Variants in GRIA3 observed in about 807,000 individuals in gnomAD.
GRIA3 encodes the protein glutamate ionotropic receptor AMPA type subunit 3, also known as glutamate receptor 3.
In GRIA3, 3 loss-of-function variants were observed where a neutral mutation model predicts 63.0. That is an observed-to-expected ratio of 0.05 (90% confidence interval 0.02 to 0.12). The LOEUF is 0.12. Among genes scored for constraint, GRIA3 ranks in the 10% least tolerant of loss-of-function variants. The pLI is 1.00. For missense variants in GRIA3, 347 were observed against 700.9 expected (o/e 0.50, Z 5.70); for synonymous variants, 274 against 257.9 (o/e 1.06, Z -0.60).
At chrX:123,190,026 A>G (rs764830039) in intron 2 of GRIA3, among the ~76,000 whole-genome samples, 4 of 111,562 alleles carry the variant, frequency 3.6e-5, no homozygotes, top group African/African-American at 6.5e-5. Context: ...CAATTTAACT[A>G]TTTATGTCCA....
chrX:123,273,946 C>T (rs190846143), intron 3 of GRIA3, among the ~76,000 whole-genome samples: 1 of 111,906 alleles, frequency 8.9e-6, no homozygotes, highest in Non-Finnish European at 1.9e-5. Context: ...ACAGAAGCTT[C>T]TAAAACTTTA....
chrX:123,227,212 G>T (rs768138932), intron 2 of GRIA3, among the ~76,000 whole-genome samples: 59 of 110,763 alleles, frequency 5.3e-4, no homozygotes, highest in Non-Finnish European at 1.1e-3. Context: ...TTCCTTAACT[G>T]GATCATGAGT....
chrX:123,221,390 G>T (rs751188065), intron 2 of GRIA3, among the ~76,000 whole-genome samples: 3 of 112,377 alleles, frequency 2.7e-5, no homozygotes, highest in South Asian at 7.5e-4. Context: ...CTTATATTGG[G>T]CTTAAGGTAG....
At chrX:123,240,916 T>G in intron 2 of GRIA3, among the ~76,000 whole-genome samples, 1 of 112,161 alleles carries the variant, frequency 8.9e-6, no homozygotes, top group East Asian at 2.8e-4. Context: ...AGTTATTTTT[T>G]ACCCAAGATT....
intron 11 of GRIA3, among the ~76,000 whole-genome samples, chrX:123,420,244 A>C (rs2147395506): frequency 8.9e-6 from 1 of 112,091 alleles, no homozygotes; most frequent in Admixed American, 9.4e-5. Flanking sequence ...GAGATTATCC[A>C]CTTGGACCAT....
intron 12 of GRIA3, among the ~76,000 whole-genome samples, chrX:123,434,123 G>T (rs192130315): frequency 4.5e-5 from 5 of 111,431 alleles, no homozygotes; most frequent in African/African-American, 1.6e-4. Context: ...TTCCACAAGC[G>T]CACCTATGCA....
At chrX:123,311,990 T>G in intron 3 of GRIA3, among the ~76,000 whole-genome samples, 1 of 112,116 alleles carries the variant, frequency 8.9e-6, no homozygotes, top group East Asian at 2.8e-4. Flanking sequence ...GAGCCTCAAT[T>G]TCCTCACCTG....
intron 5 of GRIA3, among the ~76,000 whole-genome samples, chrX:123,377,236 T>C (rs2045292424): frequency 8.9e-6 from 1 of 111,816 alleles, no homozygotes; most frequent in African/African-American, 3.2e-5. Flanking sequence ...GCGCCTGTCC[T>C]CTTTTCGTTC....
chrX:123,310,609 G>T (rs1429089832), intron 3 of GRIA3, among the ~76,000 whole-genome samples: 1 of 113,042 alleles, frequency 8.8e-6, no homozygotes, highest in Admixed American at 9.3e-5. Flanking sequence ...ATCAGGGTAA[G>T]GGAGCAGAAA....
At chrX:123,474,706 T>TA (rs1357839446) in intron 13 of GRIA3, among the ~76,000 whole-genome samples, 7 of 107,925 alleles carry the variant, frequency 6.5e-5, no homozygotes, top group East Asian at 2.9e-4. Context: ...AATAAAAATT[T>TA]AAAAAAAAAA....
chrX:123,420,756 T>C (rs1181434845), intron 11 of GRIA3, among the ~76,000 whole-genome samples: 1 of 111,599 alleles, frequency 9.0e-6, no homozygotes, highest in Non-Finnish European at 1.9e-5. Context: ...TTAAAGATTA[T>C]GGCCTGAAAA....
chrX:123,195,030 A>G (rs1021216366), intron 2 of GRIA3, among the ~76,000 whole-genome samples: 3 of 113,098 alleles, frequency 2.7e-5, no homozygotes, highest in Non-Finnish European at 5.6e-5. Context: ...TTTCATTTTG[A>G]CAATGCTTCT....
intron 2 of GRIA3, among the ~76,000 whole-genome samples, chrX:123,191,060 G>A (rs1437966243): frequency 8.0e-5 from 9 of 112,182 alleles, no homozygotes; most frequent in Non-Finnish European, 1.7e-4. Context: ...AATTTTAGAC[G>A]ATAGAATTCC....
intron 3 of GRIA3, among the ~76,000 whole-genome samples, chrX:123,293,375 G>T (rs1040272052): frequency 3.6e-5 from 4 of 111,453 alleles, no homozygotes. Context: ...TCCTAACCAC[G>T]AAACATTTCA....
intron 5 of GRIA3, among the ~76,000 whole-genome samples, chrX:123,386,073 C>T (rs1374447446): frequency 9.0e-6 from 1 of 111,624 alleles, no homozygotes; most frequent in Non-Finnish European, 1.9e-5. Flanking sequence ...CCCTTTTCTC[C>T]TCATCCTTGC....
intron 2 of GRIA3, among the ~76,000 whole-genome samples, chrX:123,240,210 G>A (rs141066099): frequency 5.4e-5 from 6 of 112,037 alleles, no homozygotes; most frequent in Non-Finnish European, 1.1e-4. Context: ...ACATCTCAGC[G>A]TGGACCTCCT....
intron 3 of GRIA3, among the ~76,000 whole-genome samples, chrX:123,287,111 T>A (rs1317987320): frequency 8.9e-6 from 1 of 111,793 alleles, no homozygotes; most frequent in African/African-American, 3.3e-5. Flanking sequence ...TGATTCAACA[T>A]ACGCAAATCA....
chrX:123,449,547 T>C (rs763459991), intron 12 of GRIA3, among the ~76,000 whole-genome samples: 7 of 112,028 alleles, frequency 6.2e-5, no homozygotes, highest in Non-Finnish European at 1.3e-4. Context: ...TCACAGTCAG[T>C]GTGTTTGCCA....
chrX:123,225,945 A>G (rs2044244286), intron 2 of GRIA3, among the ~76,000 whole-genome samples: 1 of 111,940 alleles, frequency 8.9e-6, no homozygotes, highest in Non-Finnish European at 1.9e-5. Context: ...CCAAAAGATT[A>G]TCTTTCACAG....
Sources: gnomAD v4.1 joint callset for allele counts (sites outside exome capture counted in the v4.1 genomes callset) on GRCh38, gnomAD v4.1.1 for gene constraint, MANE v1.5 for transcripts, NCBI Gene and HGNC (gene_info 2026-07-23, HGNC 2026-07-21) for gene names.